The following FBXL13 variants were observed in gnomAD, a reference collection of about 807,000 sequenced individuals.
The protein encoded by FBXL13 is F-box and leucine-rich repeat protein 13.
In FBXL13, 67 loss-of-function variants were observed where a neutral mutation model predicts 83.6. The observed-to-expected ratio is 0.80, with a 90% confidence interval of 0.66 to 0.98. The LOEUF is 0.98. FBXL13 is among the 50% of genes least tolerant of loss of function. The probability of loss-of-function intolerance (pLI) is 0.00; values close to 1 mark genes in which losing one functional copy is unlikely to be tolerated. For synonymous variants in FBXL13, 272 were observed against 299.5 expected (o/e 0.91, Z 0.95); for missense variants, 822 against 866.5 (o/e 0.95, Z 0.64).
intron 6 of FBXL13, among the ~76,000 whole-genome samples, chr7:102,981,972 A>C (rs1303456505): frequency 6.6e-6 from 1 of 152,136 alleles, no homozygotes; most frequent in East Asian, 1.9e-4. Context: ...TGTGAGGCTG[A>C]GGGGGGCAGA....
intron 18 of FBXL13, chr7:102,827,159 C>T (rs1329048179): frequency 4.4e-6 from 2 of 454,776 alleles, no homozygotes; most frequent in African/African-American, 4.0e-5. Flanking sequence ...ACCTTTAGCC[C>T]TTAGCCTCTT....
chr7:103,012,323 C>T (rs1307623578), intron 6 of FBXL13, among the ~76,000 whole-genome samples: 2 of 148,504 alleles, frequency 1.3e-5, no homozygotes, highest in South Asian at 2.1e-4. Flanking sequence ...TGCAGTGAGC[C>T]GAGATTGTGC....
At chr7:102,910,037 G>C (rs1169690640) in intron 11 of FBXL13, among the ~76,000 whole-genome samples, 1 of 152,174 alleles carries the variant, frequency 6.6e-6, no homozygotes, top group East Asian at 1.9e-4. Flanking sequence ...GTAGCCCTCA[G>C]TGGTGAGGTT....
intron 17 of FBXL13, among the ~76,000 whole-genome samples, chr7:102,835,729 C>T (rs1801820376): frequency 7.1e-6 from 1 of 141,130 alleles, no homozygotes. Flanking sequence ...CCTGCCTCAG[C>T]CTCCCAAGTA....
intron 6 of FBXL13, among the ~76,000 whole-genome samples, chr7:103,017,897 T>G (rs1032248651): frequency 5.3e-5 from 8 of 152,130 alleles, no homozygotes; most frequent in African/African-American, 1.9e-4. Context: ...TGGAAAACAC[T>G]CTTTGGGATA....
intron 8 of FBXL13, among the ~76,000 whole-genome samples, chr7:102,962,215 G>C (rs1376546731): frequency 6.6e-6 from 1 of 151,622 alleles, no homozygotes; most frequent in Non-Finnish European, 1.5e-5. Context: ...CATTTATGCA[G>C]CCAAAAAACA....
exon 15 of FBXL13, chr7:102,878,436 C>A: frequency 6.3e-7 from 1 of 1,598,094 alleles, no homozygotes; most frequent in South Asian, 1.1e-5. Flanking sequence ...TTGCTTTAGT[C>A]CCATATCACC....
chr7:102,820,302 T>C (rs981768769), intron 19 of FBXL13, among the ~76,000 whole-genome samples: 1 of 152,222 alleles, frequency 6.6e-6, no homozygotes, highest in South Asian at 2.1e-4. Flanking sequence ...TTCTTGTGCA[T>C]AGGGACAGCC....
intron 2 of FBXL13, among the ~76,000 whole-genome samples, chr7:103,032,130 T>A (rs966621104): frequency 6.6e-6 from 1 of 152,230 alleles, no homozygotes; most frequent in African/African-American, 2.4e-5. Context: ...TAAAACTGAT[T>A]TCTTTTTGAA....
At chr7:102,836,674 T>C (rs1270605057) in intron 17 of FBXL13, among the ~76,000 whole-genome samples, 1 of 152,238 alleles carries the variant, frequency 6.6e-6, no homozygotes, top group Non-Finnish European at 1.5e-5. Context: ...TCCATATCTC[T>C]TAGCGAGTTA....
chr7:102,881,576 G>A (rs959374976), intron 14 of FBXL13, among the ~76,000 whole-genome samples: 3 of 95,498 alleles, frequency 3.1e-5, no homozygotes, highest in Non-Finnish European at 4.5e-5. Context: ...GTGTGTGTGT[G>A]GGGGGGGTGG....
intron 18 of FBXL13, among the ~76,000 whole-genome samples, chr7:102,832,020 C>T (rs1358389919): frequency 6.6e-6 from 1 of 152,034 alleles, no homozygotes; most frequent in Non-Finnish European, 1.5e-5. Flanking sequence ...AAAAACAAGG[C>T]AAAACACAAA....
chr7:102,952,733 C>T (rs1410996729), intron 8 of FBXL13, among the ~76,000 whole-genome samples: 3 of 152,186 alleles, frequency 2.0e-5, no homozygotes, highest in Non-Finnish European at 2.9e-5. Context: ...CCTGTAATCT[C>T]AGCACTTTGA....
rs201792678 is a variant in FBXL13 at position 103,027,513 on chromosome 7, G to A, written c.263C>T (p.Thr88Ile). The change falls in exon 5 of 20, where the codon ACC becomes ATC. Residue 88 changes from threonine (T) to isoleucine (I), a missense_variant. Physicochemically the swap from Thr to Ile is moderately conservative, Grantham distance 89. Transcript: ENST00000313221. ...ATTCCGCCATTTTGTTAGGATAATG[G>A]TTAGCTTGTGACAATAGATGATCTG... The A allele has an allele frequency of 2.5e-6, 4 of 1,612,824 alleles. No homozygotes were observed. In the Admixed American group the frequency reaches 6.7e-5, roughly 27 times the overall value.
At chr7:102,980,038 A>G (rs1827989912) in intron 6 of FBXL13, among the ~76,000 whole-genome samples, 1 of 152,236 alleles carries the variant, frequency 6.6e-6, no homozygotes, top group Non-Finnish European at 1.5e-5. Context: ...AGATGTCAAT[A>G]CTATCTAAAG....
chr7:102,928,877 G>A (rs550126446), intron 9 of FBXL13, among the ~76,000 whole-genome samples: 1 of 152,344 alleles, frequency 6.6e-6, no homozygotes, highest in East Asian at 1.9e-4. Context: ...AGTGGAGAAA[G>A]AGTGCAACCA....
intron 16 of FBXL13, chr7:102,857,508 C>G (rs904154505): frequency 1.3e-5 from 2 of 154,818 alleles, no homozygotes; most frequent in East Asian, 3.8e-4. Flanking sequence ...AGGGTTGATT[C>G]GGCTGATCTG....
At chr7:103,053,181 G>C (rs1396066154) in intron 2 of FBXL13, among the ~76,000 whole-genome samples, 1 of 150,756 alleles carries the variant, frequency 6.6e-6, no homozygotes, top group East Asian at 2.0e-4. Context: ...ACGAAGTCTT[G>C]CTCTTGTGTC....
At chr7:102,870,644 G>A (rs542938989) in intron 16 of FBXL13, among the ~76,000 whole-genome samples, 138 of 152,294 alleles carry the variant, frequency 9.1e-4, no homozygotes, top group African/African-American at 3.2e-3. Flanking sequence ...CTTGTTTGCA[G>A]AGCTAAGTGA....
Sources: allele counts gnomAD v4.1 joint callset (sites outside exome capture counted in the v4.1 genomes callset), GRCh38; gene constraint gnomAD v4.1.1; transcripts MANE v1.5; gene names NCBI Gene and HGNC (gene_info 2026-07-23, HGNC 2026-07-21).